BEGAIN: variants seen among roughly 807,000 people sequenced by gnomAD.
BEGAIN encodes the protein brain enriched guanylate kinase associated.
Under a neutral mutation model 35.8 loss-of-function variants are expected in BEGAIN, and 19 were observed. The ratio of observed to expected loss-of-function variants is 0.53; its 90% CI spans 0.37 to 0.78. The LOEUF (loss-of-function observed/expected upper bound fraction) is 0.78. Ranked by LOEUF, BEGAIN falls within the 30% of genes least tolerant of loss-of-function variation. BEGAIN has a pLI of 0.00. For synonymous variants in BEGAIN, 462 were observed against 388.6 expected, an observed-to-expected ratio of 1.19 and a Z score of -2.22; for missense variants, 795 against 853.6, an observed-to-expected ratio of 0.93 and a Z score of 0.85.
At chr14:100,546,710 G>A (rs1048934702) in intron 2 of BEGAIN, 48 bp from the exon 3 acceptor site, 7 of 1,513,570 alleles carry the variant, frequency 4.6e-6, no homozygotes, top group Non-Finnish European at 4.4e-6. Flanking sequence ...CTGAGCGGGG[G>A]AAACTAAGGC....
chr14:100,546,778 G>A (rs796238455), intron 2 of BEGAIN, 116 bp from the exon 3 acceptor site: 53,090 of 533,174 alleles, frequency 0.1, 1,959 homozygotes, highest in African/African-American at 0.18. Context: ...GCGCGCGCGC[G>A]CGCACACACA....
At chr14:100,583,431 G>T (rs1259636145) in intron 1 of BEGAIN, among the ~76,000 whole-genome samples, 1 of 151,852 alleles carries the variant, frequency 6.6e-6, no homozygotes, top group Non-Finnish European at 1.5e-5. Context: ...TCCATCCAAA[G>T]ATCCTTCCAT....
At chr14:100,580,870 G>C (rs2035301767) in intron 1 of BEGAIN, among the ~76,000 whole-genome samples, 2 of 152,140 alleles carry the variant, frequency 1.3e-5, no homozygotes, top group South Asian at 2.1e-4. Flanking sequence ...CCCCAGCCTG[G>C]TGTGGGCCTA....
At chr14:100,550,412 T>C in intron 2 of BEGAIN, 1 of 398,950 alleles carries the variant, frequency 2.5e-6, no homozygotes, top group Non-Finnish European at 4.4e-6. Flanking sequence ...AGACAACAGG[T>C]ATGTTACCTG....
intron 1 of BEGAIN, among the ~76,000 whole-genome samples, chr14:100,584,061 C>T (rs1224082622): frequency 6.6e-6 from 1 of 152,198 alleles, no homozygotes; most frequent in Non-Finnish European, 1.5e-5. Context: ...CCCTTCCATA[C>T]AGTATCATCC....
intron 2 of BEGAIN, 147 bp from the exon 3 acceptor site, chr14:100,546,809 C>T: frequency 3.4e-6 from 2 of 597,014 alleles, no homozygotes; most frequent in South Asian, 5.3e-5. Context: ...CACACACACA[C>T]ACACTCACAC....
At chr14:100,571,357 C>T (rs939630994) in intron 1 of BEGAIN, among the ~76,000 whole-genome samples, 9 of 152,186 alleles carry the variant, frequency 5.9e-5, no homozygotes, top group Non-Finnish European at 1.0e-4. Context: ...CTCCCAGCTG[C>T]CTCCCTCCCA....
intron 2 of BEGAIN, among the ~76,000 whole-genome samples, chr14:100,551,734 A>G (rs12588291): frequency 0.25 from 38,253 of 152,012 alleles, 6,371 homozygotes; most frequent in East Asian, 0.58. Flanking sequence ...ATTAGCACCC[A>G]TGGGTCAGGC....
intron 2 of BEGAIN, among the ~76,000 whole-genome samples, chr14:100,553,382 G>C (rs576187399): frequency 3.1e-4 from 47 of 152,284 alleles, no homozygotes; most frequent in Non-Finnish European, 1.5e-5. Flanking sequence ...GGCAGAAAGA[G>C]GGGAGGAAGA....
In BEGAIN at chr14:100,538,968, G is replaced by C. The variant is rs2031097594; in HGVS notation, c.840C>G (p.Asn280Lys). The change falls in exon 7 of 7, where the codon AAC becomes AAG. Residue 280 changes from asparagine (N) to lysine (K), a missense_variant. By Grantham distance (94) the Asn-to-Lys change is moderately conservative. This residue lies in a region of BEGAIN where 664 missense variants were observed against 647.7 expected (regional missense o/e 1.03). Transcript: ENST00000554140. ...VTDVGFLRAQ[N>K]STDSAAEEEE... ...CCTCCTCGGCCGCGCTGTCAGTGGA[G>C]TTCTGGGCCCGCAGGAAGCCCACGT... 1 of 1,610,068 alleles carries C rather than the reference G, an allele frequency of 6.2e-7. No individual in the cohort carries two copies. The highest frequency in any genetic ancestry group is 8.5e-7 in the Non-Finnish European group (1 of 1,178,668).
intron 2 of BEGAIN, among the ~76,000 whole-genome samples, chr14:100,557,331 G>A (rs1377381547): frequency 2.0e-5 from 3 of 152,246 alleles, no homozygotes; most frequent in African/African-American, 2.4e-5. Context: ...GTGGGCAGAC[G>A]CACACAAGCC....
At position 100,563,565 on chromosome 14, in the gene BEGAIN, G is replaced by C. The variant is rs369437054; in HGVS notation, c.71+4346C>G. ...GAAAATGCGCACGGCCTTCGCCGGT[G>C]AGGAAACCCAGCGGGCAGCAAACCA... On this transcript the variant is annotated intron_variant, in intron 2 of 6. Transcript: ENST00000554140. This position sits in a 1 kb window ranked among gnomAD's most constrained non-coding sequence, Gnocchi z 4.2. Among the ~76,000 whole-genome samples the C allele has an allele frequency of 6.6e-6, 1 of 152,224 alleles. No individual in the cohort carries two copies. Among genetic ancestry groups the C allele is most frequent in the Non-Finnish European group, 1.5e-5 (1 of 68,052 alleles).
chr14:100,544,688 G>A (rs1157986902), intron 4 of BEGAIN, among the ~76,000 whole-genome samples: 1 of 152,144 alleles, frequency 6.6e-6, no homozygotes, highest in African/African-American at 2.4e-5. Context: ...ATCCTCCTGG[G>A]CCCAGGTCCT....
In BEGAIN at chr14:100,568,606, C is replaced by G. The variant is rs1016269391; in HGVS notation, c.43-667G>C. On this transcript the variant is annotated intron_variant, in intron 1 of 6. Transcript: ENST00000554140. The surrounding 1 kb of genome is among the most constrained non-coding windows in gnomAD (Gnocchi z 7.5). Reference sequence around the variant, plus strand: ...GGGCTCCCTGCCTTGCTTGCGCAGACCCGCCCGCGCGCGGCTTGGAGACCC... The same window carrying G: ...GGGCTCCCTGCCTTGCTTGCGCAGAGCCGCCCGCGCGCGGCTTGGAGACCC... 14 of 1,031,934 alleles carry G rather than the reference C, an allele frequency of 1.4e-5. No individual in the cohort carries two copies. Among genetic ancestry groups the G allele is most frequent in the Admixed American group, 2.9e-5 (1 of 34,870 alleles). 63.9% of individuals were successfully genotyped at this position (1,031,934 alleles called of 1,614,324 possible). A position where few individuals can be genotyped will look rare whatever the true frequency, so the allele number is the denominator to read the frequency against.
intron 5 of BEGAIN, among the ~76,000 whole-genome samples, chr14:100,541,039 C>A (rs1245747150): frequency 6.6e-6 from 1 of 152,246 alleles, no homozygotes; most frequent in East Asian, 1.9e-4. Flanking sequence ...CCACCCCGCA[C>A]TTCAGACTTG....
At chr14:100,579,741 C>T (rs1266982685) in intron 1 of BEGAIN, among the ~76,000 whole-genome samples, 1 of 152,220 alleles carries the variant, frequency 6.6e-6, no homozygotes, top group South Asian at 2.1e-4. Flanking sequence ...AGTGCGTGGC[C>T]TCACCATGGC....
At position 100,537,886 on chromosome 14, in the gene BEGAIN, G is replaced by T; in HGVS notation, c.*83C>A. 2.0e-6 allele frequency: 3 copies of T among 1,487,604 alleles called. No homozygotes were observed. Among genetic ancestry groups the T allele is most frequent in the Non-Finnish European group, 1.8e-6 (2 of 1,117,108 alleles). The allele number at this position is 1,487,604 out of a possible 1,614,324, so 92.2% of individuals were successfully genotyped here. A position where few individuals can be genotyped will look rare whatever the true frequency, so the allele number is the denominator to read the frequency against. On this transcript the variant is annotated 3_prime_UTR_variant, in exon 7 of 7. Coordinates refer to ENST00000554140, the MANE Select transcript of BEGAIN (RefSeq NM_001385089.1). ...GTTGGCCGGGGCAGGGGAACAGCGG[G>T]GGCTGGGGAGAGGTGAGGCCGGCCC...
At chr14:100,555,442 C>T (rs963829341) in intron 2 of BEGAIN, among the ~76,000 whole-genome samples, 24 of 152,230 alleles carry the variant, frequency 1.6e-4, no homozygotes, top group South Asian at 2.1e-4. Context: ...GCCTGGAAGC[C>T]GACAGCAGAC....
intron 3 of BEGAIN, chr14:100,546,111 A>G (rs1261435037): frequency 5.9e-6 from 1 of 169,368 alleles, no homozygotes; most frequent in Admixed American, 6.0e-5. Context: ...TCCGGGCTAG[A>G]CACAGCTTTT....
Sources: allele counts gnomAD v4.1 joint callset (sites outside exome capture counted in the v4.1 genomes callset), GRCh38; gene constraint gnomAD v4.1.1; regional missense constraint gnomAD v4.1.1; non-coding constraint Gnocchi (gnomAD v3.1); transcripts MANE v1.5; gene names NCBI Gene and HGNC (gene_info 2026-07-23, HGNC 2026-07-21).